The following TRIM2 variants were observed in gnomAD, a reference collection of about 807,000 sequenced individuals.
TRIM2 encodes the protein tripartite motif-containing protein 2.
In TRIM2, 20 loss-of-function variants were observed where a neutral mutation model predicts 75.2. The ratio of observed to expected loss-of-function variants is 0.27; its 90% confidence interval spans 0.19 to 0.39. The LOEUF (loss-of-function observed/expected upper bound fraction) is 0.39. Ranked by LOEUF, TRIM2 falls within the 10% of genes least tolerant of loss-of-function variation. TRIM2 has a pLI of 1.00. For synonymous variants in TRIM2, 373 were observed against 388.3 expected (o/e 0.96, Z 0.46); for missense variants, 660 against 990.8 (o/e 0.67, Z 4.48).
At chr4:153,221,992 GAGGA>G (rs747404570) in intron 1 of TRIM2, among the ~76,000 whole-genome samples, 3 of 93,434 alleles carry the variant, frequency 3.2e-5, no homozygotes, top group Non-Finnish European at 6.4e-5. Context: ...GGAAGGGAGA[GAGGA>G]AGGAAGGAAA....
At chr4:153,215,594 T>C (rs11947868) in intron 1 of TRIM2, among the ~76,000 whole-genome samples, 116,779 of 151,984 alleles carry the variant, frequency 0.77, 45,754 homozygotes, top group African/African-American at 0.91. Flanking sequence ...ACCCTGTTAC[T>C]ATCCCTTTGT....
In TRIM2 at chr4:153,336,757, G is replaced by C; in HGVS notation, c.*1791G>C. On this transcript the variant is annotated 3_prime_UTR_variant, in exon 12 of 12. Transcript: ENST00000338700. Reference sequence around the variant, plus strand: ...AAGGGAAATCTAGCTACTTCAAATTGTCTGTTAAATTTATTATGCCCAAAT... The same window carrying C: ...AAGGGAAATCTAGCTACTTCAAATTCTCTGTTAAATTTATTATGCCCAAAT... The C allele has an allele frequency of 1.0e-6, 1 of 985,516 alleles. No homozygotes were observed. Among genetic ancestry groups the C allele is most frequent in the Non-Finnish European group, 1.2e-6 (1 of 829,702 alleles). 61.0% of individuals were successfully genotyped at this position (985,516 alleles called of 1,614,324 possible).
intron 1 of TRIM2, among the ~76,000 whole-genome samples, chr4:153,159,296 CTTT>C (rs11318531): frequency 2.2e-5 from 2 of 89,174 alleles, no homozygotes; most frequent in Non-Finnish European, 2.0e-5. Flanking sequence ...TTTACAAAAT[CTTT>C]TTTTTTTTTT....
intron 1 of TRIM2, among the ~76,000 whole-genome samples, chr4:153,218,630 A>C (rs1739127503): frequency 6.6e-6 from 1 of 152,218 alleles, no homozygotes; most frequent in African/African-American, 2.4e-5. Flanking sequence ...CAAGTCTACA[A>C]GTCTACCCTT....
chr4:153,157,289 A>G (rs1729323269), intron 1 of TRIM2: 1 of 152,212 alleles, frequency 6.6e-6, no homozygotes, highest in African/African-American at 2.4e-5. Flanking sequence ...AAAGGTCACA[A>G]AAAAAGAAAA....
intron 2 of TRIM2, among the ~76,000 whole-genome samples, chr4:153,273,376 C>T (rs1216604424): frequency 2.8e-5 from 4 of 144,658 alleles, no homozygotes; most frequent in South Asian, 4.5e-4. Context: ...CCCGGGTTCA[C>T]GCCATTCTCC....
chr4:153,272,331 G>A (rs966798175), intron 2 of TRIM2, among the ~76,000 whole-genome samples: 1 of 151,980 alleles, frequency 6.6e-6, no homozygotes, highest in African/African-American at 2.4e-5. Context: ...TGTATTTTTA[G>A]TAGAGACGAG....
chr4:153,182,033 C>A (rs953658894), intron 1 of TRIM2, among the ~76,000 whole-genome samples: 3 of 152,186 alleles, frequency 2.0e-5, no homozygotes, highest in Non-Finnish European at 4.4e-5. Flanking sequence ...TTTAAGGGAA[C>A]AAGATGCATG....
chr4:153,296,465 G>T (rs752815704), intron 6 of TRIM2, among the ~76,000 whole-genome samples: 3 of 152,254 alleles, frequency 2.0e-5, no homozygotes, highest in Non-Finnish European at 4.4e-5. Context: ...CAGAGCTGAG[G>T]CTGTACGGTT....
At chr4:153,314,462 G>A (rs1171032492) in intron 6 of TRIM2, among the ~76,000 whole-genome samples, 1 of 151,214 alleles carries the variant, frequency 6.6e-6, no homozygotes, top group Admixed American at 6.6e-5. Flanking sequence ...AGTATGGCCA[G>A]GTGTGGTGGT....
intron 1 of TRIM2, among the ~76,000 whole-genome samples, chr4:153,155,614 A>T (rs981620909): frequency 6.6e-6 from 1 of 152,212 alleles, no homozygotes; most frequent in Admixed American, 6.5e-5. Context: ...AAAATGGCGA[A>T]AAAGTAAAAT....
intron 3 of TRIM2, among the ~76,000 whole-genome samples, chr4:153,290,837 C>T (rs1266714348): frequency 6.6e-6 from 1 of 152,140 alleles, no homozygotes; most frequent in Non-Finnish European, 1.5e-5. Context: ...CTGTGGTTCC[C>T]CGGCTGGTCT....
At chr4:153,290,972 T>A (rs1318001711) in intron 3 of TRIM2, among the ~76,000 whole-genome samples, 4 of 152,054 alleles carry the variant, frequency 2.6e-5, no homozygotes, top group Non-Finnish European at 4.4e-5. Flanking sequence ...AAATTTCCAG[T>A]TAATGTTTCA....
At chr4:153,156,573 G>T (rs927420803) in intron 1 of TRIM2, 1 of 152,226 alleles carries the variant, frequency 6.6e-6, no homozygotes, top group African/African-American at 2.4e-5. Flanking sequence ...CTGCCTCCTG[G>T]TGCCCCATCT....
Position 153,276,127 on chromosome 4 carries a change from G to A in TRIM2, c.450G>A (p.Gly150=), listed in dbSNP as rs116331959. The A allele has an allele frequency of 3.1e-6, 5 of 1,613,600 alleles. No homozygotes were observed. The African/African-American group carries it at 5.3e-5, about 17-fold the overall frequency. The change falls in exon 3 of 12, where the codon GGG becomes GGA. Residue 150 remains glycine (G), a synonymous_variant. Transcript: ENST00000338700. ...CTCTCTCTTGCCCAAACCACGATGGGAATGTAAGTGGCTGGGATGGCAGAT... is the reference window on the plus strand; with the variant it reads ...CTCTCTCTTGCCCAAACCACGATGGAAATGTAAGTGGCTGGGATGGCAGAT... ...GKPLSCPNHD[G]NVMEFYCQSC... is the part of the protein sequence containing the mutation.
intron 1 of TRIM2, among the ~76,000 whole-genome samples, chr4:153,247,488 C>T (rs1326065050): frequency 6.6e-6 from 1 of 151,990 alleles, no homozygotes; most frequent in East Asian, 1.9e-4. Context: ...TCAGCCTGGC[C>T]AACATGCCAA....
intron 1 of TRIM2, chr4:153,265,536 G>C (rs1256635578): frequency 6.6e-6 from 1 of 151,966 alleles, no homozygotes; most frequent in Non-Finnish European, 1.5e-5. Flanking sequence ...GTGGAGACAG[G>C]GTTTCACTGT....
In TRIM2 at chr4:153,293,217, G is replaced by A. The variant is rs1000654423; in HGVS notation, c.605+84G>A. On this transcript the variant is annotated intron_variant, in intron 4 of 11. Transcript: ENST00000338700. The stretch of plus-strand genomic sequence containing the variant: ...GGCCTCTTGTCTAGGTACAAGAGTA[G>A]GTTCATATTTCCCTTGAGATATCAG... The A allele has an allele frequency of 2.7e-5, 36 of 1,355,010 alleles. No homozygotes were observed. In the African/African-American group the frequency reaches 5.0e-4, roughly 19 times the overall value. The allele number at this position is 1,355,010 out of a possible 1,614,324, so 83.9% of individuals were successfully genotyped here. A position where few individuals can be genotyped will look rare whatever the true frequency, so the allele number is the denominator to read the frequency against.
intron 8 of TRIM2, among the ~76,000 whole-genome samples, chr4:153,320,056 C>G (rs892165376): frequency 6.6e-6 from 1 of 152,172 alleles, no homozygotes; most frequent in African/African-American, 2.4e-5. Flanking sequence ...TAATGACATT[C>G]TTGTTTTAAT....
Sources: allele counts gnomAD v4.1 joint callset (sites outside exome capture counted in the v4.1 genomes callset), GRCh38; gene constraint gnomAD v4.1.1; transcripts MANE v1.5; gene names NCBI Gene and HGNC (gene_info 2026-07-23, HGNC 2026-07-21).